Variants in PLXND1 observed in about 807,000 individuals in gnomAD.
The protein encoded by PLXND1 is plexin-D1.
Under a neutral mutation model 197.7 loss-of-function variants are expected in PLXND1, and 54 were observed. The observed-to-expected ratio is 0.27, with a 90% CI of 0.22 to 0.34. The LOEUF (loss-of-function observed/expected upper bound fraction) is 0.34, where lower values mean the gene tolerates loss of function less well. PLXND1 is among the 10% of genes least tolerant of loss of function. PLXND1 has a pLI of 1.00. For synonymous variants in PLXND1, 1,180 were observed against 1,161.2 expected (o/e 1.02, Z -0.33); for missense variants, 2,127 against 2,699.2 (o/e 0.79, Z 4.70).
chr3:129,592,612 T>A (rs999384640), intron 1 of PLXND1, among the ~76,000 whole-genome samples: 1 of 148,836 alleles, frequency 6.7e-6, no homozygotes, highest in African/African-American at 2.5e-5. Context: ...GGGAGCCCGC[T>A]CCCCCCTCCC....
intron 1 of PLXND1, 51 bp downstream of exon 1, chr3:129,605,278 C>T: frequency 2.7e-6 from 2 of 736,880 alleles, no homozygotes; most frequent in Non-Finnish European, 3.7e-6. Context: ...CGCCCCCGCC[C>T]CCGCCCCCGC....
At chr3:129,582,650 C>T (rs759667225) in intron 8 of PLXND1, among the ~76,000 whole-genome samples, 56 of 152,314 alleles carry the variant, frequency 3.7e-4, no homozygotes, top group Non-Finnish European at 5.0e-4. Flanking sequence ...CATCCTGGCA[C>T]GGGCTGCGGT....
At chr3:129,597,142 C>T (rs1236497544) in intron 1 of PLXND1, among the ~76,000 whole-genome samples, 2 of 152,256 alleles carry the variant, frequency 1.3e-5, no homozygotes, top group Non-Finnish European at 2.9e-5. Flanking sequence ...AACTGAGGCA[C>T]AGAGAGTTGA....
chr3:129,556,462 C>T (rs905340168), intron 35 of PLXND1, 34 bp from the exon 36 acceptor site: 1 of 1,550,004 alleles, frequency 6.5e-7, no homozygotes, highest in Non-Finnish European at 8.9e-7. Context: ...CGGGCCATGG[C>T]CGGTAGCCCT....
chr3:129,565,547 G>A lies in PLXND1; in HGVS notation c.4323-9C>T, dbSNP rs770963551. The A allele has an allele frequency of 3.9e-5, 62 of 1,610,332 alleles. 1 individual carries two copies. The highest frequency in any genetic ancestry group is 8.9e-5 in the East Asian group (4 of 44,836). ...GCGAGGCCAGGCTGCACCTGTGAGC[G>A]GGAGGCAGGTGTCAACTGCACCTTG... On this transcript the variant is annotated splice_polypyrimidine_tract_variant and intron_variant, in intron 24 of 35. Coordinates refer to ENST00000324093, the MANE Select transcript of PLXND1 (RefSeq NM_015103.3).
chr3:129,596,736 A>G (rs1872118), intron 1 of PLXND1, among the ~76,000 whole-genome samples: 149,698 of 152,342 alleles, frequency 0.98, 73,610 homozygotes, highest in East Asian at 1. Context: ...CCTCCTCCCC[A>G]GCCCCTGGTC....
intron 31 of PLXND1, 108 bp from the exon 32 acceptor site, chr3:129,559,891 A>G: frequency 1.0e-6 from 1 of 967,186 alleles, no homozygotes; most frequent in Admixed American, 2.6e-5. Context: ...CTGAATGAGG[A>G]AGCCACATGG....
In PLXND1 at chr3:129,578,380, C is replaced by A. The variant is rs1110168; in HGVS notation, c.2295G>T (p.Thr765=). 1.4e-5 allele frequency: 23 copies of A among 1,606,548 alleles called. No homozygotes were observed. The highest frequency in any genetic ancestry group is 4.5e-5 in the East Asian group (2 of 44,586). ...GCACCAGGATGTTCTGGGAGCCACC[C>A]GTAGGCACGGGTGCCAGGGGTGAGA... is the stretch of plus-strand genomic sequence containing the variant. The part of the protein sequence containing the change: ...TLLSPLAPVP[T]GGSQNILVPL... Residue 765 remains threonine, a synonymous_variant, in exon 9 of 36, where the codon ACG becomes ACT. Coordinates refer to ENST00000324093, the MANE Select transcript of PLXND1 (RefSeq NM_015103.3).
Position 129,571,817 on chromosome 3 carries a change from G to A in PLXND1, c.3105C>T (p.Thr1035=), listed in dbSNP as rs1479270326. ...LMRTDTSIAC[T]MPEGALPAPV... is the part of the protein sequence containing the mutation. ...GAGCCGGCAGGGCCCCCTCAGGCAT[G>A]GTGCAGGCGATGCTGGTATCTGTGC... is the stretch of plus-strand genomic sequence containing the variant. The change falls in exon 16 of 36, where the codon ACC becomes ACT. Residue 1035 remains threonine, a synonymous_variant. Coordinates refer to ENST00000324093, the MANE Select transcript of PLXND1 (RefSeq NM_015103.3). 1 of 1,612,926 alleles carries A rather than the reference G, an allele frequency of 6.2e-7. No individual in the cohort carries two copies. The highest frequency in any genetic ancestry group is 1.3e-5 in the African/African-American group (1 of 75,030).
chr3:129,562,439 G>C (rs1035194705), intron 27 of PLXND1: 1 of 246,248 alleles, frequency 4.1e-6, no homozygotes, highest in African/African-American at 2.2e-5. Flanking sequence ...GAGCCCAGGA[G>C]GTCGAGGCTG....
chr3:129,585,278 C>T (rs909926961), intron 5 of PLXND1, among the ~76,000 whole-genome samples: 1 of 152,194 alleles, frequency 6.6e-6, no homozygotes, highest in African/African-American at 2.4e-5. Context: ...TGTCAGAGCC[C>T]CCCAGGGTGA....
At chr3:129,594,138 G>A (rs12635414) in intron 1 of PLXND1, among the ~76,000 whole-genome samples, 14,713 of 152,234 alleles carry the variant, frequency 0.097, 927 homozygotes, top group East Asian at 0.26. Flanking sequence ...AAATCCAGCG[G>A]TTCCGTCACA....
intron 13 of PLXND1, among the ~76,000 whole-genome samples, 169 bp downstream of exon 13, chr3:129,573,425 G>A (rs1003961023): frequency 1.1e-4 from 16 of 151,630 alleles, no homozygotes; most frequent in South Asian, 4.2e-4. Flanking sequence ...AAGCAGAAAC[G>A]GCAGGATGTG....
In PLXND1 at chr3:129,589,581, C is replaced by T. The variant is rs2085508727; in HGVS notation, c.1312-54G>A. 9 of 1,425,278 alleles carry T rather than the reference C, an allele frequency of 6.3e-6. No individual in the cohort carries two copies. In the East Asian group the frequency reaches 7.5e-5, roughly 12 times the overall value. The allele number at this position is 1,425,278 out of a possible 1,614,324, so 88.3% of individuals were successfully genotyped here. ...AGCTCCAGAACCTTCTCCGGCTCCC[C>T]GCCCGCACAGCTGGCTGGGATCTCA... On this transcript the variant is annotated intron_variant, in intron 1 of 35. Coordinates refer to ENST00000324093, the MANE Select transcript of PLXND1 (RefSeq NM_015103.3).
chr3:129,586,475 G>C (rs1427736606), intron 3 of PLXND1, 113 bp downstream of exon 3: 5 of 1,307,978 alleles, frequency 3.8e-6, no homozygotes, highest in Non-Finnish European at 5.3e-6. Flanking sequence ...TAGCAGATAA[G>C]GGAGATGGAG....
intron 2 of PLXND1, among the ~76,000 whole-genome samples, chr3:129,587,589 G>A (rs1045415418): frequency 1.3e-5 from 2 of 152,146 alleles, no homozygotes; most frequent in Non-Finnish European, 2.9e-5. Context: ...CCAGTGGTCC[G>A]GACACCTCCC....
chr3:129,577,532 G>A lies in PLXND1; in HGVS notation c.2346+797C>T, dbSNP rs945151484. ...TCCAGCCCCTGCCACGAGGCTTCCC[G>A]ACACATCCCAGATGCCCGGCACGTG... is the stretch of plus-strand genomic sequence containing the variant. On this transcript the variant is annotated intron_variant, in intron 9 of 35. Coordinates refer to ENST00000324093, the MANE Select transcript of PLXND1 (RefSeq NM_015103.3). This position sits in a 1 kb window ranked among gnomAD's most constrained non-coding sequence, Gnocchi z 5.0. Among the ~76,000 whole-genome samples the A allele has an allele frequency of 6.6e-6, 1 of 151,776 alleles. No homozygotes were observed. The highest frequency in any genetic ancestry group is 2.0e-4 in the East Asian group (1 of 5,126).
intron 1 of PLXND1, among the ~76,000 whole-genome samples, chr3:129,604,902 C>T (rs1477963785): frequency 4.6e-5 from 7 of 152,224 alleles, no homozygotes; most frequent in Admixed American, 3.9e-4. Flanking sequence ...ATGCACCCAT[C>T]ACCAACGTGC....
Position 129,556,072 on chromosome 3 carries a change from C to T in PLXND1, c.*240G>A, listed in dbSNP as rs538947624. 2.4e-4 allele frequency: 121 copies of T among 506,826 alleles called. No individual in the cohort carries two copies. The highest frequency in any genetic ancestry group is 5.5e-4 in the Middle Eastern group (1 of 1,814). The allele number at this position is 506,826 out of a possible 1,614,324, so 31.4% of individuals were successfully genotyped here. On this transcript the variant is annotated 3_prime_UTR_variant, in exon 36 of 36. Transcript: ENST00000324093. ...TGCTGGGCAGATGGGGGAGCCTGAC[C>T]AGCTCTCTGGCCTCCATCCCAGAGA... is the stretch of plus-strand genomic sequence containing the variant.
Sources: allele counts gnomAD v4.1 joint callset (sites outside exome capture counted in the v4.1 genomes callset), GRCh38; gene constraint gnomAD v4.1.1; non-coding constraint Gnocchi (gnomAD v3.1); transcripts MANE v1.5; gene names NCBI Gene and HGNC (gene_info 2026-07-23, HGNC 2026-07-21).